The following FIGNL2 variants were observed in gnomAD, a reference collection of about 807,000 sequenced individuals.
FIGNL2 encodes fidgetin like 2.
For synonymous variants in FIGNL2, 565 were observed against 484.0 expected (o/e 1.17, Z -2.20); for missense variants, 1,060 against 950.2 (o/e 1.12, Z -1.52).
chr12:51,841,146 C>T (rs375203575), intron 1 of FIGNL2, among the ~76,000 whole-genome samples: 11 of 152,348 alleles, frequency 7.2e-5, no homozygotes, highest in East Asian at 5.8e-4. Flanking sequence ...GCAGCCCGGC[C>T]GGTCCACCTG....
At chr12:51,827,952 C>G (rs998810436) in intron 1 of FIGNL2, among the ~76,000 whole-genome samples, 1 of 152,202 alleles carries the variant, frequency 6.6e-6, no homozygotes, top group Non-Finnish European at 1.5e-5. Flanking sequence ...ATGGCTGTTA[C>G]AGAGTGGAGA....
chr12:51,822,469 G>A, intron 1 of FIGNL2, 45 bp from the exon 2 acceptor site: 1 of 1,601,732 alleles, frequency 6.2e-7, no homozygotes, highest in Non-Finnish European at 8.5e-7. Flanking sequence ...AGCCACCGAG[G>A]ACCCAGTGGG....
intron 1 of FIGNL2, among the ~76,000 whole-genome samples, chr12:51,826,881 C>T (rs1939356868): frequency 1.3e-5 from 2 of 151,326 alleles, no homozygotes; most frequent in Admixed American, 1.3e-4. Flanking sequence ...TCTGAATACA[C>T]ACCAACATGT....
At chr12:51,827,579 G>T (rs569377900) in intron 1 of FIGNL2, among the ~76,000 whole-genome samples, 1 of 152,264 alleles carries the variant, frequency 6.6e-6, no homozygotes, top group South Asian at 2.1e-4. Flanking sequence ...TGGCAGTGAG[G>T]ATTTAAAGAT....
intron 1 of FIGNL2, among the ~76,000 whole-genome samples, chr12:51,830,771 T>A (rs890736070): frequency 1.3e-5 from 2 of 151,918 alleles, no homozygotes; most frequent in Non-Finnish European, 2.9e-5. Flanking sequence ...ATTACAGGCA[T>A]GAGCCACCAC....
intron 1 of FIGNL2, among the ~76,000 whole-genome samples, chr12:51,823,193 C>T (rs1939264074): frequency 6.6e-6 from 1 of 152,194 alleles, no homozygotes; most frequent in South Asian, 2.1e-4. Flanking sequence ...CTGCCACCTG[C>T]TTTATTCCCA....
intron 1 of FIGNL2, chr12:51,823,481 C>G (rs1297235630): frequency 6.6e-6 from 1 of 152,242 alleles, no homozygotes; most frequent in Non-Finnish European, 1.5e-5. Context: ...CAACGTCCTT[C>G]TTGCCATCCA....
chr12:51,846,876 G>T (rs1307661081), intron 1 of FIGNL2: 4 of 594,622 alleles, frequency 6.7e-6, no homozygotes, highest in African/African-American at 2.0e-5. Flanking sequence ...GGTCGCTCCC[G>T]TCTGCCTTGG....
intron 1 of FIGNL2, chr12:51,844,726 G>A: frequency 1.0e-6 from 1 of 985,370 alleles, no homozygotes; most frequent in Non-Finnish European, 1.2e-6. Flanking sequence ...CTGGAGACAA[G>A]TGGACCCTAA....
intron 1 of FIGNL2, among the ~76,000 whole-genome samples, chr12:51,831,206 A>G (rs1939457573): frequency 6.6e-6 from 1 of 152,226 alleles, no homozygotes; most frequent in African/African-American, 2.4e-5. Context: ...ATATAGCTAA[A>G]AAAGAAAAAA....
intron 1 of FIGNL2, among the ~76,000 whole-genome samples, chr12:51,827,613 A>G (rs1939371553): frequency 6.6e-6 from 1 of 152,236 alleles, no homozygotes; most frequent in Admixed American, 6.5e-5. Context: ...GACACAGTCC[A>G]GTGTGGGGCA....
chr12:51,820,510 G>A lies in FIGNL2; in HGVS notation c.1904C>T (p.Ser635Phe). Residue 635 changes from serine to phenylalanine, a missense_variant, in exon 2 of 2, where the codon TCT (serine) becomes TTT (phenylalanine). Transcript: ENST00000618634. ...CACGAACGAGTCCAGTTCCTTGGCA[G>A]AGGCCCTAGGGCCCACCTTGGCCAG... ...AALAKVGPRASAKELDSFVEW... is the reference protein window; with the variant it reads ...AALAKVGPRAFAKELDSFVEW... 6.3e-7 allele frequency: 1 copy of A among 1,579,172 alleles called. No individual in the cohort carries two copies. Among genetic ancestry groups the A allele is most frequent in the Admixed American group, 1.7e-5 (1 of 57,220 alleles).
In FIGNL2 at chr12:51,822,012, A is replaced by C. The variant is rs1177214096; in HGVS notation, c.402T>G (p.Val134=). 3 of 1,598,086 alleles carry C rather than the reference A, an allele frequency of 1.9e-6. No homozygotes were observed. In the Admixed American group the frequency reaches 5.1e-5, roughly 27 times the overall value. Residue 134 remains valine, a synonymous_variant, in exon 2 of 2, where the codon GTT becomes GTG. Transcript: ENST00000618634. ...GGSGALGGSP[V]LAGNLPEPLY... ...GGGGTTCAGGGAGGTTCCCGGCTAAAACTGGGGAGCCCCCCAGGGCCCCGG... is the reference window on the plus strand; with the variant it reads ...GGGGTTCAGGGAGGTTCCCGGCTAACACTGGGGAGCCCCCCAGGGCCCCGG...
At position 51,822,061 on chromosome 12, in the gene FIGNL2, G is replaced by A. The variant is rs1270244924; in HGVS notation, c.353C>T (p.Thr118Ile). The change falls in exon 2 of 2, where the codon ACC becomes ATC. Residue 118 changes from threonine (T) to isoleucine (I), a missense_variant. Coordinates refer to ENST00000618634, the MANE Select transcript of FIGNL2 (RefSeq NM_001384995.1). ...GGAACCGCCGCCACCGCCCGATTTG[G>A]TTCCTGGGAGGCCTTCGTGGAGTGA... ...LASLHEGLPG[T>I]KSGGGGGSGA... 2 of 1,610,628 alleles carry A rather than the reference G, an allele frequency of 1.2e-6. No individual in the cohort carries two copies. Among genetic ancestry groups the A allele is most frequent in the Non-Finnish European group, 1.7e-6 (2 of 1,178,662 alleles).
intron 1 of FIGNL2, among the ~76,000 whole-genome samples, chr12:51,837,255 C>T (rs1939593692): frequency 6.6e-6 from 1 of 152,314 alleles, no homozygotes; most frequent in South Asian, 2.1e-4. Context: ...AACAGCCCAT[C>T]TACTACCCCA....
intron 1 of FIGNL2, among the ~76,000 whole-genome samples, chr12:51,837,002 G>A (rs1450215984): frequency 6.6e-6 from 1 of 152,142 alleles, no homozygotes; most frequent in African/African-American, 2.4e-5. Flanking sequence ...CCACTGTCCG[G>A]TGGCCCCCAG....
chr12:51,825,364 G>T (rs958105908), intron 1 of FIGNL2, among the ~76,000 whole-genome samples: 1 of 152,060 alleles, frequency 6.6e-6, no homozygotes, highest in African/African-American at 2.4e-5. Context: ...TCATTGCCCA[G>T]ACTTTTGGGC....
Position 51,822,263 on chromosome 12 carries a change from TGTC to T in FIGNL2, c.148_150del (p.Asp50del). 2 of 1,611,498 alleles carry T rather than the reference TGTC, an allele frequency of 1.2e-6. No homozygotes were observed. The highest frequency in any genetic ancestry group is 2.2e-5 in the East Asian group (1 of 44,808). Reference sequence around the variant, plus strand: ...AGGTTGGAGGCAGTGAGGGCTGAGATGTCGTCGTGTGCCCAAGCGTAGTGGCAG... The same window carrying T: ...AGGTTGGAGGCAGTGAGGGCTGAGATGTCGTGTGCCCAAGCGTAGTGGCAG... On this transcript the variant is annotated inframe_deletion, in exon 2 of 2. Transcript: ENST00000618634.
In FIGNL2 at chr12:51,820,746, C is replaced by T; in HGVS notation, c.1668G>A (p.Ala556=). Residue 556 remains alanine, a synonymous_variant, in exon 2 of 2, where the codon GCG becomes GCA. Coordinates refer to ENST00000618634, the MANE Select transcript of FIGNL2 (RefSeq NM_001384995.1). ...RRRFSLRFYV[A]LPDSPARGQI... ...GCCCGCGGGCCGGGCTGTCGGGCAG[C>T]GCCACGTAGAAGCGGAGAGAGAAGC... 6.7e-7 allele frequency: 1 copy of T among 1,485,214 alleles called. No homozygotes were observed. The highest frequency in any genetic ancestry group is 8.9e-7 in the Non-Finnish European group (1 of 1,126,770). 92.0% of individuals were successfully genotyped at this position (1,485,214 alleles called of 1,614,324 possible). A position where few individuals can be genotyped will look rare whatever the true frequency, so the allele number is the denominator to read the frequency against.
Sources: allele counts gnomAD v4.1 joint callset (sites outside exome capture counted in the v4.1 genomes callset), GRCh38; gene constraint gnomAD v4.1.1; transcripts MANE v1.5; gene names NCBI Gene and HGNC (gene_info 2026-07-23, HGNC 2026-07-21).